Variants in GPC6 observed in about 807,000 individuals in gnomAD.
GPC6 encodes glypican 6, also known as glypican-6.
GPC6 carries 14 observed loss-of-function variants against 55.2 expected under a neutral mutation model. The ratio of observed to expected loss-of-function variants is 0.25; its 90% CI spans 0.17 to 0.40. The LOEUF is 0.40. Ranked by LOEUF, GPC6 falls within the 10% of genes least tolerant of loss-of-function variation. The pLI is 1.00. For synonymous variants in GPC6, 278 were observed against 259.6 expected, an observed-to-expected ratio of 1.07 and a Z score of -0.68; for missense variants, 641 against 708.5, an observed-to-expected ratio of 0.90 and a Z score of 1.08.
chr13:93,275,975 C>T (rs1371375008), intron 1 of GPC6, among the ~76,000 whole-genome samples: 2 of 152,078 alleles, frequency 1.3e-5, no homozygotes, highest in Admixed American at 6.5e-5. Context: ...CCCGGGTTCA[C>T]GCCATTCTCC....
intron 4 of GPC6, among the ~76,000 whole-genome samples, chr13:94,052,567 C>A (rs890546578): frequency 4.6e-5 from 7 of 152,100 alleles, no homozygotes; most frequent in African/African-American, 1.7e-4. Context: ...CTTTAAAACT[C>A]CTCTAGAGAT....
At chr13:93,526,406 T>C (rs904331579) in intron 1 of GPC6, among the ~76,000 whole-genome samples, 5 of 151,748 alleles carry the variant, frequency 3.3e-5, no homozygotes, top group Non-Finnish European at 7.4e-5. Context: ...ATACTTATTA[T>C]GCAAGGAATT....
chr13:94,237,122 G>T (rs779981390), intron 4 of GPC6, among the ~76,000 whole-genome samples: 5 of 152,114 alleles, frequency 3.3e-5, no homozygotes, highest in Admixed American at 6.6e-5. Context: ...ATGAGAACTT[G>T]TTCCATTATC....
At chr13:93,273,349 C>G (rs1337649255) in intron 1 of GPC6, among the ~76,000 whole-genome samples, 2 of 151,990 alleles carry the variant, frequency 1.3e-5, no homozygotes. Flanking sequence ...ACTCGTTTGC[C>G]TAAAAGTTAA....
intron 4 of GPC6, among the ~76,000 whole-genome samples, chr13:94,186,507 T>C (rs1889192476): frequency 6.6e-6 from 1 of 152,186 alleles, no homozygotes; most frequent in Non-Finnish European, 1.5e-5. Flanking sequence ...GTTGCTCAAT[T>C]TTACAAATAA....
chr13:93,922,002 T>G (rs2140346138), intron 3 of GPC6, among the ~76,000 whole-genome samples: 1 of 152,240 alleles, frequency 6.6e-6, no homozygotes, highest in African/African-American at 2.4e-5. Context: ...AGATATTTGT[T>G]ACATAGAATT....
chr13:94,316,898 C>A (rs1876568761), intron 6 of GPC6, among the ~76,000 whole-genome samples: 1 of 152,172 alleles, frequency 6.6e-6, no homozygotes, highest in Non-Finnish European at 1.5e-5. Context: ...TCTTTCTGGG[C>A]CAAACTGGCT....
intron 4 of GPC6, among the ~76,000 whole-genome samples, chr13:94,198,293 A>G (rs1235894494): frequency 6.6e-6 from 1 of 152,208 alleles, no homozygotes; most frequent in Non-Finnish European, 1.5e-5. Flanking sequence ...AAAAGCAGAT[A>G]AAAGCTCTAA....
At position 94,152,421 on chromosome 13, in the gene GPC6, G is replaced by C. The variant is rs529423271; in HGVS notation, c.877+124527G>C. Among the ~76,000 whole-genome samples, 7 of 152,150 alleles carry C rather than the reference G, an allele frequency of 4.6e-5. No individual in the cohort carries two copies. In the East Asian group the frequency reaches 1.4e-3, roughly 29 times the overall value. On this transcript the variant is annotated intron_variant, in intron 4 of 8. Transcript: ENST00000377047. ...AATCTCCCAACCTATAGATTAAAAA[G>C]TCACTCATTTATTCATCAAACAAAT...
At chr13:94,022,405 G>A (rs770043328) in intron 3 of GPC6, among the ~76,000 whole-genome samples, 113 of 151,760 alleles carry the variant, frequency 7.4e-4, no homozygotes, top group Non-Finnish European at 1.2e-3. Flanking sequence ...TCATGTTGTG[G>A]CAGATGGCAG....
chr13:93,346,880 TGTC>T (rs936353454), intron 1 of GPC6, among the ~76,000 whole-genome samples: 101 of 151,906 alleles, frequency 6.6e-4, no homozygotes, highest in African/African-American at 2.3e-3. Context: ...TAAATAAAAA[TGTC>T]ATGAACTAGG....
chr13:94,069,387 G>T (rs544882780), intron 4 of GPC6, among the ~76,000 whole-genome samples: 322 of 152,184 alleles, frequency 2.1e-3, no homozygotes, highest in Non-Finnish European at 3.8e-3. Context: ...GCCTGTGATG[G>T]GAGGGGCTGC....
At chr13:94,075,212 G>GGTGTGT (rs1184383035) in intron 4 of GPC6, among the ~76,000 whole-genome samples, 4 of 152,218 alleles carry the variant, frequency 2.6e-5, no homozygotes, top group African/African-American at 7.2e-5. Context: ...ACTTTAGCAT[G>GGTGTGT]GTGTGTGTAT....
At chr13:93,696,937 T>C (rs1244506182) in intron 2 of GPC6, among the ~76,000 whole-genome samples, 1 of 152,112 alleles carries the variant, frequency 6.6e-6, no homozygotes, top group Non-Finnish European at 1.5e-5. Context: ...TCCGTAACTT[T>C]AAATGATATT....
rs143173066 is a variant in GPC6 at position 94,163,964 on chromosome 13, A to G, written c.878-122385A>G. Among the ~76,000 whole-genome samples the G allele has an allele frequency of 2.0e-5, 3 of 152,314 alleles. No homozygotes were observed. In the East Asian group the frequency reaches 5.8e-4, roughly 29 times the overall value. ...AGGGTGTTGGGAGAGTGATCTGACC[A>G]GTGATTGAGTGTGAAGCAATTACAG... On this transcript the variant is annotated intron_variant, in intron 4 of 8. Coordinates refer to ENST00000377047, the MANE Select transcript of GPC6 (RefSeq NM_005708.5).
intron 1 of GPC6, among the ~76,000 whole-genome samples, chr13:93,437,242 C>T (rs1023868319): frequency 3.9e-5 from 6 of 151,960 alleles, no homozygotes; most frequent in Non-Finnish European, 8.8e-5. Flanking sequence ...AAAATTAGGC[C>T]AGTTAATAAT....
chr13:93,414,501 G>A (rs1393462756), intron 1 of GPC6, among the ~76,000 whole-genome samples: 1 of 152,150 alleles, frequency 6.6e-6, no homozygotes, highest in Non-Finnish European at 1.5e-5. Context: ...GATGAGGACT[G>A]TTACTCATCT....
intron 1 of GPC6, among the ~76,000 whole-genome samples, chr13:93,369,873 A>G (rs1327955049): frequency 6.6e-6 from 1 of 152,170 alleles, no homozygotes; most frequent in Non-Finnish European, 1.5e-5. Flanking sequence ...AAGACAGTGT[A>G]TTTCAAATCA....
intron 3 of GPC6, among the ~76,000 whole-genome samples, chr13:93,927,941 G>A (rs1043227596): frequency 2.0e-5 from 3 of 152,134 alleles, no homozygotes; most frequent in African/African-American, 7.2e-5. Flanking sequence ...CACAATCCAG[G>A]TGTGTCATAA....
Sources: allele counts gnomAD v4.1 joint callset (sites outside exome capture counted in the v4.1 genomes callset), GRCh38; gene constraint gnomAD v4.1.1; transcripts MANE v1.5; gene names NCBI Gene and HGNC (gene_info 2026-07-23, HGNC 2026-07-21).